Variants in DNAH10 observed in about 807,000 individuals in gnomAD.
DNAH10 encodes dynein axonemal heavy chain 10.
DNAH10 carries 348 observed loss-of-function variants against 506.6 expected under a neutral mutation model. The ratio of observed to expected loss-of-function variants is 0.69; its 90% CI spans 0.63 to 0.75. DNAH10 has a LOEUF of 0.75. Among genes scored for constraint, DNAH10 ranks in the 30% least tolerant of loss-of-function variants. DNAH10 has a pLI of 0.00. For synonymous variants in DNAH10, 2,059 were observed against 2,198.6 expected (o/e 0.94, Z 1.78); for missense variants, 5,179 against 5,787.1 (o/e 0.89, Z 3.41).
intron 21 of DNAH10, chr12:123,814,171 G>A (rs1274337779): frequency 3.3e-6 from 1 of 299,444 alleles, no homozygotes; most frequent in Non-Finnish European, 6.0e-6. Flanking sequence ...TCTTTTTTTT[G>A]TGTTAATTTC....
Position 123,930,568 on chromosome 12 carries a change from T to C in DNAH10, c.12779T>C (p.Phe4260Ser). 6.2e-7 allele frequency: 1 copy of C among 1,605,514 alleles called. No individual in the cohort carries two copies. The change falls in exon 73 of 79, where the codon TTT becomes TCT. Residue 4260 changes from phenylalanine to serine, a missense_variant. Transcript: ENST00000673944. ...KIPVGDEKEK[F>S]VEAIEALPLA... Reference sequence around the variant, plus strand: ...CCTGTTGGTGATGAAAAGGAGAAATTTGTTGGTGAGATTTCTCAGACATGA... The same window carrying C: ...CCTGTTGGTGATGAAAAGGAGAAATCTGTTGGTGAGATTTCTCAGACATGA...
rs1197523552 is a variant in DNAH10, at chr12:123,804,813, A to C, written c.2780-20A>C. 6.2e-7 allele frequency: 1 copy of C among 1,604,694 alleles called. No homozygotes were observed. Among genetic ancestry groups the C allele is most frequent in the East Asian group, 2.2e-5 (1 of 44,644 alleles). On this transcript the variant is annotated intron_variant, in intron 17 of 78. Coordinates refer to ENST00000673944, the MANE Select transcript of DNAH10 (RefSeq NM_001372106.1). The stretch of plus-strand genomic sequence containing the variant: ...TTCCCTGTGTTCGTGGACAGCTCTA[A>C]CAGACATCTTTCTCTCCAGGCGTGA...
intron 7 of DNAH10, among the ~76,000 whole-genome samples, chr12:123,783,591 T>C (rs899567826): frequency 1.3e-5 from 2 of 152,158 alleles, no homozygotes; most frequent in Admixed American, 6.5e-5. Context: ...AGAGGCAGGG[T>C]TGGCTTCAGG....
intron 32 of DNAH10, among the ~76,000 whole-genome samples, chr12:123,847,254 CTAT>C (rs1950991983): frequency 4.7e-5 from 7 of 150,162 alleles, no homozygotes; most frequent in Non-Finnish European, 5.9e-5. Context: ...ATCTATCTAT[CTAT>C]CTATCTATCC....
At chr12:123,815,165 T>C (rs1293709416) in intron 21 of DNAH10, among the ~76,000 whole-genome samples, 1 of 152,220 alleles carries the variant, frequency 6.6e-6, no homozygotes, top group Non-Finnish European at 1.5e-5. Flanking sequence ...TTCCTATCCA[T>C]GAACATGTTC....
At chr12:123,932,268 A>G (rs1955250478) in intron 76 of DNAH10, among the ~76,000 whole-genome samples, 160 bp downstream of exon 76, 1 of 152,116 alleles carries the variant, frequency 6.6e-6, no homozygotes, top group African/African-American at 2.4e-5. Flanking sequence ...GCCTATCTGT[A>G]TCTTTTGTTT....
At position 123,776,061 on chromosome 12, in the gene DNAH10, A is replaced by G. The variant is rs1238571110; in HGVS notation, c.621+1797A>G. On this transcript the variant is annotated intron_variant, in intron 5 of 78. Coordinates refer to ENST00000673944, the MANE Select transcript of DNAH10 (RefSeq NM_001372106.1). ...CACTCACTATCATGAGAACAGTGGCATGGGGGTAACCTCCCCCATCATTCA... is the reference window on the plus strand; with the variant it reads ...CACTCACTATCATGAGAACAGTGGCGTGGGGGTAACCTCCCCCATCATTCA... Among the ~76,000 whole-genome samples the G allele has an allele frequency of 2.0e-5, 3 of 152,160 alleles. 1 individual carries two copies. The highest frequency in any genetic ancestry group is 2.0e-4 in the Admixed American group (3 of 15,268).
rs1950946860 is a variant in DNAH10 at position 123,846,236 on chromosome 12, G to A, written c.5814+82G>A. On this transcript the variant is annotated intron_variant, in intron 32 of 78. Transcript: ENST00000673944. The surrounding 1 kb of genome is among the most constrained non-coding windows in gnomAD (Gnocchi z 4.5). Reference sequence around the variant, plus strand: ...CTAAGCTTGAGGTGTGATGACTGCAGTGATTGAAATAGCAGGGGAGATCAT... The same window carrying A: ...CTAAGCTTGAGGTGTGATGACTGCAATGATTGAAATAGCAGGGGAGATCAT... The A allele has an allele frequency of 6.8e-7, 1 of 1,461,824 alleles. No homozygotes were observed. Among genetic ancestry groups the A allele is most frequent in the Non-Finnish European group, 9.2e-7 (1 of 1,090,544 alleles). 90.6% of individuals were successfully genotyped at this position (1,461,824 alleles called of 1,614,324 possible).
At chr12:123,819,319 A>G (rs1341276773) in intron 23 of DNAH10, 69 bp downstream of exon 23, 1 of 1,164,462 alleles carries the variant, frequency 8.6e-7, no homozygotes, top group Non-Finnish European at 1.3e-6. Context: ...TTTGCTTAAG[A>G]GTTTTATGGC....
chr12:123,799,401 G>A (rs770795460), intron 14 of DNAH10, 30 bp downstream of exon 14: 4 of 1,600,726 alleles, frequency 2.5e-6, no homozygotes, highest in Non-Finnish European at 3.4e-6. Context: ...ATTCCCGATT[G>A]CCGCGTGAGA....
In DNAH10 at chr12:123,919,222, C is replaced by T. The variant is rs11057393; in HGVS notation, c.11506+273C>T. On this transcript the variant is annotated intron_variant, in intron 65 of 78. Coordinates refer to ENST00000673944, the MANE Select transcript of DNAH10 (RefSeq NM_001372106.1). This position sits in a 1 kb window ranked among gnomAD's most constrained non-coding sequence, Gnocchi z 4.9. ...TCCAGAGTAGCTGGGACTAAAGGCA[C>T]GCCACCACACCCAGCTAAGTTTTTG... Among the ~76,000 whole-genome samples the T allele has an allele frequency of 0.36, 55,016 of 151,574 alleles. 10,529 individuals carry two copies. Among genetic ancestry groups the T allele is most frequent in the African/African-American group, 0.48 (19,930 of 41,264 alleles).
At chr12:123,795,040 C>T (rs1442748148) in intron 12 of DNAH10, among the ~76,000 whole-genome samples, 1 of 147,484 alleles carries the variant, frequency 6.8e-6, no homozygotes, top group Non-Finnish European at 1.5e-5. Flanking sequence ...CCCAGCTACT[C>T]AGGAGGCTGA....
Position 123,865,069 on chromosome 12 carries a change from G to A in DNAH10, c.7044+339G>A, listed in dbSNP as rs530387350. On this transcript the variant is annotated intron_variant, in intron 40 of 78. Coordinates refer to ENST00000673944, the MANE Select transcript of DNAH10 (RefSeq NM_001372106.1). Reference sequence around the variant, plus strand: ...AGAATTCATCTCTTATACCACTAACGTCAGAATAGTATATTGCTAAGTTGG... The same window carrying A: ...AGAATTCATCTCTTATACCACTAACATCAGAATAGTATATTGCTAAGTTGG... 7.9e-5 allele frequency among the ~76,000 whole-genome samples: 12 copies of A among 152,216 alleles called. No individual in the cohort carries two copies. The South Asian group carries it at 1.0e-3, about 13-fold the overall frequency.
chr12:123,838,354 G>T, intron 28 of DNAH10, 102 bp from the exon 29 acceptor site: 1 of 1,007,316 alleles, frequency 9.9e-7, no homozygotes. Flanking sequence ...GTTTTGTCTC[G>T]GCCGTGCCTG....
intron 56 of DNAH10, among the ~76,000 whole-genome samples, chr12:123,900,525 T>C (rs530630776): frequency 2.0e-5 from 3 of 152,328 alleles, no homozygotes; most frequent in South Asian, 4.1e-4. Flanking sequence ...TTAGTGCCTC[T>C]CCTACCTGTG....
At chr12:123,875,206 C>T (rs528876539) in intron 46 of DNAH10, 25 bp from the exon 47 acceptor site, 3 of 1,588,280 alleles carry the variant, frequency 1.9e-6, no homozygotes, top group African/African-American at 1.3e-5. Context: ...CTACTGTTCT[C>T]TTTTCTTTTT....
rs548179508 is a variant in DNAH10, at chr12:123,897,682, G to A, written c.9281-88G>A. On this transcript the variant is annotated intron_variant, in intron 54 of 78. Coordinates refer to ENST00000673944, the MANE Select transcript of DNAH10 (RefSeq NM_001372106.1). Reference sequence around the variant, plus strand: ...GGAGGCTGCAGTGAGCCATGATCACGCCACTGCACTCCAGCCTGGGCAACA... The same window carrying A: ...GGAGGCTGCAGTGAGCCATGATCACACCACTGCACTCCAGCCTGGGCAACA... 1.2e-3 allele frequency: 1,618 copies of A among 1,400,294 alleles called. 3 individuals carry two copies. Among genetic ancestry groups the A allele is most frequent in the Middle Eastern group, 3.1e-3 (15 of 4,762 alleles). 86.7% of individuals were successfully genotyped at this position (1,400,294 alleles called of 1,614,324 possible).
chr12:123,910,968 G>A (rs1243055423), intron 59 of DNAH10, among the ~76,000 whole-genome samples: 1 of 151,938 alleles, frequency 6.6e-6, no homozygotes, highest in South Asian at 2.1e-4. Context: ...CACTTTGGAA[G>A]GCCCAGATGG....
intron 5 of DNAH10, among the ~76,000 whole-genome samples, chr12:123,775,621 T>TGAGGTAG (rs1361989764): frequency 2.0e-5 from 3 of 152,224 alleles, no homozygotes; most frequent in African/African-American, 7.2e-5. Flanking sequence ...AGAAGCAGCC[T>TGAGGTAG]CAGCTTGGCC....
Sources: allele counts gnomAD v4.1 joint callset (sites outside exome capture counted in the v4.1 genomes callset), GRCh38; gene constraint gnomAD v4.1.1; non-coding constraint Gnocchi (gnomAD v3.1); transcripts MANE v1.5; gene names NCBI Gene and HGNC (gene_info 2026-07-23, HGNC 2026-07-21).